ROBO1: variants seen among roughly 807,000 people sequenced by gnomAD.
ROBO1 encodes roundabout homolog 1.
A neutral mutation model predicts 195.9 loss-of-function variants in ROBO1; 149 were observed. That is an observed-to-expected ratio of 0.76 (90% confidence interval 0.67 to 0.87). The LOEUF is 0.87. ROBO1 is among the 40% of genes least tolerant of loss of function. ROBO1 has a pLI of 0.00. For synonymous variants in ROBO1, 816 were observed against 733.2 expected (o/e 1.11, Z -1.82); for missense variants, 1,933 against 2,068.3 (o/e 0.93, Z 1.27).
At chr3:79,406,452 T>C (rs560096030) in intron 2 of ROBO1, among the ~76,000 whole-genome samples, 1 of 151,502 alleles carries the variant, frequency 6.6e-6, no homozygotes, top group African/African-American at 2.4e-5. Flanking sequence ...ATAATAATAA[T>C]AAAACACCAA....
intron 4 of ROBO1, among the ~76,000 whole-genome samples, chr3:78,855,833 A>G (rs1440769872): frequency 6.6e-6 from 1 of 152,194 alleles, no homozygotes; most frequent in African/African-American, 2.4e-5. Flanking sequence ...AAAAAGTATC[A>G]CAAACACCTC....
At chr3:78,850,910 G>A (rs1002538256) in intron 4 of ROBO1, among the ~76,000 whole-genome samples, 20 of 151,826 alleles carry the variant, frequency 1.3e-4, no homozygotes, top group African/African-American at 3.9e-4. Flanking sequence ...GGGTTCAAGC[G>A]ATTCTCCTGC....
At chr3:79,269,999 G>A (rs1011561589) in intron 2 of ROBO1, among the ~76,000 whole-genome samples, 1 of 151,760 alleles carries the variant, frequency 6.6e-6, no homozygotes, top group Non-Finnish European at 1.5e-5. Context: ...AGTAAAGATG[G>A]TTGTTGAAGA....
chr3:79,727,368 A>T (rs932457269), intron 1 of ROBO1, among the ~76,000 whole-genome samples: 5 of 152,214 alleles, frequency 3.3e-5, no homozygotes, highest in African/African-American at 1.2e-4. Flanking sequence ...TTTTCAAAAA[A>T]AAGGTGACAA....
At chr3:78,979,568 G>C (rs750866964) in intron 3 of ROBO1, among the ~76,000 whole-genome samples, 5 of 152,096 alleles carry the variant, frequency 3.3e-5, no homozygotes, top group Non-Finnish European at 7.4e-5. Context: ...CAGAGATTTG[G>C]GGAAACTTAG....
At chr3:79,007,741 A>G (rs1051211717) in intron 3 of ROBO1, among the ~76,000 whole-genome samples, 1 of 152,212 alleles carries the variant, frequency 6.6e-6, no homozygotes, top group African/African-American at 2.4e-5. Flanking sequence ...CTAATTAACA[A>G]CTGCATTATT....
chr3:79,188,192 C>T (rs1391419348), intron 2 of ROBO1, among the ~76,000 whole-genome samples: 2 of 151,918 alleles, frequency 1.3e-5, no homozygotes, highest in South Asian at 2.1e-4. Flanking sequence ...TTCGTAGAGA[C>T]ATTTTTACTG....
At chr3:78,740,010 C>T (rs530941091) in intron 5 of ROBO1, among the ~76,000 whole-genome samples, 1 of 152,206 alleles carries the variant, frequency 6.6e-6, no homozygotes, top group South Asian at 2.1e-4. Flanking sequence ...CCCTAACCAG[C>T]CAATTTAGAT....
chr3:78,601,171 A>G (rs948671126), intron 29 of ROBO1, among the ~76,000 whole-genome samples: 6 of 152,106 alleles, frequency 3.9e-5, no homozygotes, highest in African/African-American at 1.4e-4. Flanking sequence ...CCTCCCCCAA[A>G]TGCTTCCTCT....
At chr3:79,323,479 A>G (rs1322397617) in intron 2 of ROBO1, among the ~76,000 whole-genome samples, 1 of 152,228 alleles carries the variant, frequency 6.6e-6, no homozygotes, top group Non-Finnish European at 1.5e-5. Context: ...TCATTAGCTT[A>G]TTAAGCATTC....
In ROBO1 at chr3:78,636,044, C is replaced by T. The variant is rs180987734; in HGVS notation, c.3102G>A (p.Glu1034=). 321 of 1,613,778 alleles carry T rather than the reference C, an allele frequency of 2.0e-4. No individual in the cohort carries two copies. The African/African-American group carries it at 3.1e-3, about 16-fold the overall frequency. ...DNKQTNLMLP[E]STVYGDVDLS... ...GGTCCACATCACCATAAACAGTTGA[C>T]TCAGGGAGCATCAGATTTGTTTGTT... Residue 1034 remains glutamate, a synonymous_variant, in exon 23 of 31, where the codon GAG becomes GAA. Transcript: ENST00000464233.
At chr3:79,157,981 T>C (rs2080888789) in intron 2 of ROBO1, among the ~76,000 whole-genome samples, 1 of 151,950 alleles carries the variant, frequency 6.6e-6, no homozygotes, top group Non-Finnish European at 1.5e-5. Context: ...GTGATCCTTG[T>C]TTTCAGTTAA....
intron 2 of ROBO1, among the ~76,000 whole-genome samples, chr3:79,283,767 C>G (rs12635051): frequency 0.41 from 61,148 of 149,238 alleles, 17,604 homozygotes; most frequent in African/African-American, 0.83. Context: ...GCGCGATCTC[C>G]GCTCACTGCA....
chr3:78,857,452 A>C (rs1195426875), intron 4 of ROBO1, among the ~76,000 whole-genome samples: 1 of 152,190 alleles, frequency 6.6e-6, no homozygotes, highest in African/African-American at 2.4e-5. Context: ...GGTATTTTGA[A>C]GTGTCCCCTA....
intron 3 of ROBO1, among the ~76,000 whole-genome samples, chr3:78,991,938 C>G (rs746035243): frequency 6.7e-6 from 1 of 149,326 alleles, no homozygotes; most frequent in Non-Finnish European, 1.5e-5. Context: ...ATTCTATCTA[C>G]AAAAAAAAAC....
intron 2 of ROBO1, among the ~76,000 whole-genome samples, chr3:79,374,405 C>G (rs1227305777): frequency 1.3e-5 from 2 of 152,084 alleles, no homozygotes; most frequent in Non-Finnish European, 2.9e-5. Context: ...CAGACTCTAA[C>G]TCTCTCTTCT....
At chr3:78,778,978 C>A (rs926168707) in intron 4 of ROBO1, among the ~76,000 whole-genome samples, 2 of 152,238 alleles carry the variant, frequency 1.3e-5, no homozygotes, top group Admixed American at 6.5e-5. Context: ...TGATCTTTGA[C>A]AAACCTGACA....
chr3:79,399,601 C>T (rs572589363), intron 2 of ROBO1, among the ~76,000 whole-genome samples: 3 of 152,162 alleles, frequency 2.0e-5, no homozygotes, highest in African/African-American at 2.4e-5. Flanking sequence ...CTGGCACAGA[C>T]ATGTTTACTT....
intron 30 of ROBO1, among the ~76,000 whole-genome samples, chr3:78,599,781 A>C (rs928225399): frequency 6.6e-6 from 1 of 152,198 alleles, no homozygotes; most frequent in Non-Finnish European, 1.5e-5. Context: ...GGGTTTTTAT[A>C]GCCTGCTACA....
Sources: gnomAD v4.1 joint callset for allele counts (sites outside exome capture counted in the v4.1 genomes callset) on GRCh38, gnomAD v4.1.1 for gene constraint, MANE v1.5 for transcripts, NCBI Gene and HGNC (gene_info 2026-07-23, HGNC 2026-07-21) for gene names.